ZFP92: variants seen among roughly 807,000 people sequenced by gnomAD.
ZFP92 encodes the protein zinc finger protein 92 homolog.
Under a neutral mutation model 7.6 loss-of-function variants are expected in ZFP92, and 2 were observed. That is an observed-to-expected ratio of 0.26 (90% CI 0.11 to 0.83). ZFP92 has a LOEUF of 0.83. Ranked by LOEUF, ZFP92 falls within the 40% of genes least tolerant of loss-of-function variation. The pLI, the probability that ZFP92 is intolerant of heterozygous loss-of-function variation, is 0.65. For missense variants in ZFP92, 324 were observed against 408.3 expected (o/e 0.79, Z 1.78); for synonymous variants, 226 against 183.6 (o/e 1.23, Z -1.87).
chrX:153,415,931 A>G (rs1025397799), intron 2 of ZFP92, among the ~76,000 whole-genome samples: 2 of 110,400 alleles, frequency 1.8e-5, no homozygotes, highest in Non-Finnish European at 3.8e-5. Flanking sequence ...ATGATCCCTA[A>G]TCCCTTTGAC....
At chrX:153,419,899 C>T (rs868932932) in intron 4 of ZFP92, among the ~76,000 whole-genome samples, 9 of 111,993 alleles carry the variant, frequency 8.0e-5, no homozygotes, top group Non-Finnish European at 1.3e-4. Context: ...CTGGGGCTTG[C>T]AAGCCCTTCT....
At chrX:153,418,221 A>G in intron 2 of ZFP92, 84 bp from the exon 3 acceptor site, 1 of 1,066,587 alleles carries the variant, frequency 9.4e-7, no homozygotes, top group African/African-American at 1.8e-5. Flanking sequence ...CACAAGAAAA[A>G]CTAAGCAGGG....
At position 153,421,603 on chromosome X, in the gene ZFP92, G is replaced by A. The variant is rs1202209187; in HGVS notation, c.1226G>A (p.Arg409Lys). 1.0e-6 allele frequency: 1 copy of A among 1,002,770 alleles called. No individual in the cohort carries two copies. Among genetic ancestry groups the A allele is most frequent in the Non-Finnish European group, 1.3e-6 (1 of 797,040 alleles). The allele number at this position is 1,002,770 out of a possible 1,213,427, so 82.6% of individuals were successfully genotyped here. A position where few individuals can be genotyped will look rare whatever the true frequency, so the allele number is the denominator to read the frequency against. The change falls in exon 6 of 6, where the codon AGG becomes AAG. Residue 409 changes from arginine (R) to lysine (K), a missense_variant. Transcript: ENST00000338647. The part of the protein sequence containing the change: ...TSPPRPSTAA[R>K]PSRPSRR ...CCCCCGCGGCCGAGCACAGCCGCCA[G>A]GCCTTCCAGGCCCAGCCGCCGCTGA...
At chrX:153,415,197 A>T (rs1207343128) in intron 2 of ZFP92, among the ~76,000 whole-genome samples, 6 of 112,815 alleles carry the variant, frequency 5.3e-5, no homozygotes, top group Non-Finnish European at 1.1e-4. Flanking sequence ...AGAGAGAGGG[A>T]AATTGTAAGA....
At position 153,418,301 on chromosome X, in the gene ZFP92, T is replaced by G. The variant is rs782513076; in HGVS notation, c.-18-4T>G. The G allele has an allele frequency of 2.1e-5, 25 of 1,165,705 alleles. No individual in the cohort carries two copies. The highest frequency in any genetic ancestry group is 2.6e-5 in the Admixed American group (1 of 38,490). ...TCACAGGGGGCTCTTTGCATTTCCC[T>G]TAGCTCCTCTGCGCCCTGGTGATGG... On this transcript the variant is annotated splice_region_variant and splice_polypyrimidine_tract_variant and intron_variant, in intron 2 of 5. Coordinates refer to ENST00000338647, the MANE Select transcript of ZFP92 (RefSeq NM_001136273.2).
At chrX:153,413,941 C>T (rs782221089) in intron 2 of ZFP92, among the ~76,000 whole-genome samples, 2 of 112,374 alleles carry the variant, frequency 1.8e-5, no homozygotes, top group South Asian at 3.7e-4. Context: ...TGCGGGTCTC[C>T]GTCTCTGGGC....
rs2089015280 is a variant in ZFP92 at position 153,422,808 on chromosome X, T to C, written c.*1180T>C. Reference sequence around the variant, plus strand: ...ATTCAGGGGTAATGTATATTGAAAATAGAGATTTTGCCATATCAGAGTATC... The same window carrying C: ...ATTCAGGGGTAATGTATATTGAAAACAGAGATTTTGCCATATCAGAGTATC... On this transcript the variant is annotated 3_prime_UTR_variant, in exon 6 of 6. Coordinates refer to ENST00000338647, the MANE Select transcript of ZFP92 (RefSeq NM_001136273.2). 8.9e-6 allele frequency: 1 copy of C among 112,068 alleles called. No homozygotes were observed. Among genetic ancestry groups the C allele is most frequent in the Non-Finnish European group, 1.9e-5 (1 of 53,204 alleles). 9.2% of individuals were successfully genotyped at this position (112,068 alleles called of 1,213,427 possible).
At position 153,421,707 on chromosome X, in the gene ZFP92, G is replaced by T; in HGVS notation, c.*79G>T. ...GGACGTCGAGGCTCAGCCCCCTTCA[G>T]GTGGGAAGACCGCCCTCCCAGGGCC... On this transcript the variant is annotated 3_prime_UTR_variant, in exon 6 of 6. Transcript: ENST00000338647. 6 of 907,451 alleles carry T rather than the reference G, an allele frequency of 6.6e-6. No homozygotes were observed. Among genetic ancestry groups the T allele is most frequent in the Non-Finnish European group, 6.8e-6 (5 of 736,356 alleles). The allele number at this position is 907,451 out of a possible 1,213,427, so 74.8% of individuals were successfully genotyped here. A position where few individuals can be genotyped will look rare whatever the true frequency, so the allele number is the denominator to read the frequency against.
At chrX:153,416,554 T>C (rs2088953096) in intron 2 of ZFP92, among the ~76,000 whole-genome samples, 1 of 111,274 alleles carries the variant, frequency 9.0e-6, no homozygotes, top group Non-Finnish European at 1.9e-5. Flanking sequence ...TCCTGTGGCG[T>C]TGTTGGCACA....
chrX:153,413,390 C>T (rs1386343575), intron 2 of ZFP92, among the ~76,000 whole-genome samples: 6 of 106,598 alleles, frequency 5.6e-5, no homozygotes, highest in Admixed American at 4.1e-4. Flanking sequence ...CAGCCCTCCC[C>T]GCGTGGAGCA....
At chrX:153,418,434 C>T in intron 3 of ZFP92, 79 bp downstream of exon 3, 1 of 1,110,779 alleles carries the variant, frequency 9.0e-7, no homozygotes, top group Non-Finnish European at 1.2e-6. Context: ...GCCTCTCCAG[C>T]TGGGCTGAGC....
intron 3 of ZFP92, 108 bp from the exon 4 acceptor site, chrX:153,418,565 G>A: frequency 9.3e-7 from 1 of 1,073,120 alleles, no homozygotes; most frequent in Non-Finnish European, 1.2e-6. Context: ...CTTTCCACCT[G>A]CTGAGCCTTC....
At position 153,421,186 on chromosome X, in the gene ZFP92, G is replaced by A. The variant is rs1023745976; in HGVS notation, c.809G>A (p.Gly270Asp). 7 of 1,186,671 alleles carry A rather than the reference G, an allele frequency of 5.9e-6. No homozygotes were observed. The African/African-American group carries it at 8.8e-5, about 15-fold the overall frequency. The change falls in exon 6 of 6, where the codon GGC becomes GAC. Residue 270 changes from glycine to aspartate, a missense_variant. Physicochemically the swap from Gly to Asp is moderately conservative, Grantham distance 94. Transcript: ENST00000338647. ...CGGCCCTACGCGTGCCCAGAGTGCG[G>A]CAAGGCCTTCAGCCGCAGCTCCAAC... The part of the protein sequence containing the change: ...GERPYACPEC[G>D]KAFSRSSNLI...
chrX:153,412,528 C>T (rs5945305), intron 2 of ZFP92, among the ~76,000 whole-genome samples: 6,216 of 112,132 alleles, frequency 0.055, 185 homozygotes, highest in Non-Finnish European at 0.09. Context: ...GAAGGGAGGT[C>T]TGGTTGCCAG....
chrX:153,412,163 G>A (rs2088913696), intron 2 of ZFP92, among the ~76,000 whole-genome samples, 150 bp downstream of exon 2: 1 of 112,817 alleles, frequency 8.9e-6, no homozygotes, highest in African/African-American at 3.2e-5. Context: ...TCAGGTGGGG[G>A]CTGGTGCCTC....
At position 153,421,607 on chromosome X, in the gene ZFP92, T is replaced by C; in HGVS notation, c.1230T>C (p.Pro410=). 1 of 1,000,215 alleles carries C rather than the reference T, an allele frequency of 1.0e-6. No homozygotes were observed. The highest frequency in any genetic ancestry group is 1.3e-6 in the Non-Finnish European group (1 of 795,478). 82.4% of individuals were successfully genotyped at this position (1,000,215 alleles called of 1,213,427 possible). Residue 410 remains proline (P), a synonymous_variant, in exon 6 of 6, where the codon CCT becomes CCC. Coordinates refer to ENST00000338647, the MANE Select transcript of ZFP92 (RefSeq NM_001136273.2). The part of the protein sequence containing the change: ...SPPRPSTAAR[P]SRPSRR ...CGCGGCCGAGCACAGCCGCCAGGCC[T>C]TCCAGGCCCAGCCGCCGCTGACTCC...
chrX:153,418,665 T>C lies in ZFP92; in HGVS notation c.34-8T>C. ...TTCCCCTGTGGCCACAAGAATGCCT[T>C]ATTTTAGGTGCCAGTATCTTTTGAG... On this transcript the variant is annotated splice_polypyrimidine_tract_variant and splice_region_variant and intron_variant, in intron 3 of 5. Coordinates refer to ENST00000338647, the MANE Select transcript of ZFP92 (RefSeq NM_001136273.2). 8.6e-7 allele frequency: 1 copy of C among 1,167,241 alleles called. No individual in the cohort carries two copies. The highest frequency in any genetic ancestry group is 1.1e-6 in the Non-Finnish European group (1 of 872,769).
At position 153,424,809 on chromosome X, in the gene ZFP92, G is replaced by A. The variant is rs1241561208; in HGVS notation, c.*3181G>A. ...TACTTTGGTTGCAAATAAGGAAGAT[G>A]TATGAGTATTGGCCTGGAAATGAGC... On this transcript the variant is annotated 3_prime_UTR_variant, in exon 6 of 6. Transcript: ENST00000338647. The A allele has an allele frequency of 8.9e-6, 1 of 112,988 alleles. No individual in the cohort carries two copies. The highest frequency in any genetic ancestry group is 1.9e-5 in the Non-Finnish European group (1 of 53,402). The allele number at this position is 112,988 out of a possible 1,213,427, so 9.3% of individuals were successfully genotyped here. A position where few individuals can be genotyped will look rare whatever the true frequency, so the allele number is the denominator to read the frequency against.
intron 3 of ZFP92, 127 bp downstream of exon 3, chrX:153,418,482 G>A (rs919014406): frequency 2.8e-4 from 278 of 987,800 alleles, no homozygotes; most frequent in African/African-American, 4.3e-4. Context: ...TTCCTGAGGC[G>A]CACAATCTGG....
Sources: allele counts gnomAD v4.1 joint callset (sites outside exome capture counted in the v4.1 genomes callset), GRCh38; gene constraint gnomAD v4.1.1; transcripts MANE v1.5; gene names NCBI Gene and HGNC (gene_info 2026-07-23, HGNC 2026-07-21).